Variants in NCALD observed in about 807,000 individuals in gnomAD.
NCALD encodes neurocalcin-delta.
In NCALD, 10 loss-of-function variants were observed where a neutral mutation model predicts 18.6. The observed-to-expected ratio is 0.54, with a 90% CI of 0.33 to 0.91. The LOEUF (loss-of-function observed/expected upper bound fraction) is 0.91. Among genes scored for constraint, NCALD ranks in the 40% least tolerant of loss-of-function variants. The probability of loss-of-function intolerance (pLI) is 0.03; values close to 1 mark genes in which losing one functional copy is unlikely to be tolerated. For synonymous variants in NCALD, 88 were observed against 87.4 expected, an observed-to-expected ratio of 1.01 and a Z score of -0.04; for missense variants, 184 against 247.6, an observed-to-expected ratio of 0.74 and a Z score of 1.72.
chr8:102,016,551 A>G (rs996989524), intron 2 of NCALD, among the ~76,000 whole-genome samples: 7 of 152,218 alleles, frequency 4.6e-5, no homozygotes, highest in African/African-American at 1.7e-4. Context: ...CATGCCAAGC[A>G]TAAGGTCACT....
chr8:102,061,878 AC>A (rs1167975492), intron 1 of NCALD, among the ~76,000 whole-genome samples: 28 of 152,304 alleles, frequency 1.8e-4, no homozygotes, highest in African/African-American at 6.5e-4. Flanking sequence ...AGCAAAATCA[AC>A]CAAGAGCAAA....
At chr8:101,821,538 T>C in intron 4 of NCALD, among the ~76,000 whole-genome samples, 1 of 152,150 alleles carries the variant, frequency 6.6e-6, no homozygotes, top group East Asian at 1.9e-4. Flanking sequence ...ACGCAGAGCC[T>C]TCCAACACCC....
upstream of NCALD, among the ~76,000 whole-genome samples, chr8:101,792,895 T>TAAAAA (rs1033472065): frequency 1.2e-4 from 16 of 136,462 alleles, no homozygotes; most frequent in Admixed American, 9.6e-4. Context: ...TTCTCAGTTC[T>TAAAAA]AAAAAAAAAA....
At chr8:101,755,014 C>G (rs980081439) in intron 1 of NCALD, among the ~76,000 whole-genome samples, 8 of 152,222 alleles carry the variant, frequency 5.3e-5, no homozygotes, top group African/African-American at 1.7e-4. Flanking sequence ...CCTAGCACAT[C>G]CTATGACTAT....
At chr8:101,849,758 G>C (rs1012289366) in intron 4 of NCALD, among the ~76,000 whole-genome samples, 2 of 152,138 alleles carry the variant, frequency 1.3e-5, no homozygotes, top group African/African-American at 4.8e-5. Context: ...CGAGCAAGCA[G>C]AGACAAGCTA....
At chr8:101,828,860 G>T (rs1680034650) in intron 4 of NCALD, among the ~76,000 whole-genome samples, 2 of 144,740 alleles carry the variant, frequency 1.4e-5, no homozygotes, top group Non-Finnish European at 3.0e-5. Context: ...TGTCTGTTTT[G>T]TATAACCACC....
chr8:101,700,370 T>C (rs1271436791), intron 2 of NCALD, among the ~76,000 whole-genome samples: 2 of 152,200 alleles, frequency 1.3e-5, no homozygotes, highest in African/African-American at 2.4e-5. Flanking sequence ...TCTTATTTCA[T>C]GTCTCACAAT....
At position 101,689,539 on chromosome 8, in the gene NCALD, A is replaced by G; in HGVS notation, c.485-133T>C. 1 of 674,816 alleles carries G rather than the reference A, an allele frequency of 1.5e-6. No individual in the cohort carries two copies. The highest frequency in any genetic ancestry group is 2.6e-6 in the Non-Finnish European group (1 of 389,404). 41.8% of individuals were successfully genotyped at this position (674,816 alleles called of 1,614,324 possible). A position where few individuals can be genotyped will look rare whatever the true frequency, so the allele number is the denominator to read the frequency against. On this transcript the variant is annotated intron_variant, in intron 3 of 3. Coordinates refer to ENST00000220931, the MANE Select transcript of NCALD (RefSeq NM_032041.3). This position sits in a 1 kb window ranked among gnomAD's most constrained non-coding sequence, Gnocchi z 4.4. ...ACTGCCACTGTGACACACAGCACTC[A>G]CCTGTCCCGGGGAAGAGCCCAGTGG...
chr8:102,117,447 G>A (rs1825822789), intron 1 of NCALD, among the ~76,000 whole-genome samples: 2 of 152,150 alleles, frequency 1.3e-5, no homozygotes, highest in Non-Finnish European at 2.9e-5. Flanking sequence ...ACTGTCCTCG[G>A]CATCCGCCAG....
chr8:102,014,603 TAA>T (rs1229412846), intron 2 of NCALD, among the ~76,000 whole-genome samples: 3 of 152,116 alleles, frequency 2.0e-5, no homozygotes, highest in South Asian at 2.1e-4. Flanking sequence ...TGAAAAGTAA[TAA>T]GTTTTAAATA....
At chr8:101,745,150 C>T (rs573424199) in intron 1 of NCALD, among the ~76,000 whole-genome samples, 2 of 151,862 alleles carry the variant, frequency 1.3e-5, no homozygotes, top group Middle Eastern at 3.4e-3. Flanking sequence ...AAAAGAAAAT[C>T]CAACAAACCT....
intron 2 of NCALD, among the ~76,000 whole-genome samples, chr8:102,019,283 T>C (rs1300087918): frequency 1.3e-5 from 2 of 152,070 alleles, no homozygotes; most frequent in Admixed American, 6.5e-5. Context: ...TTGGAAAATA[T>C]GTGGACTAAT....
At chr8:101,788,138 A>G (rs1812303863) in intron 1 of NCALD, among the ~76,000 whole-genome samples, 1 of 152,206 alleles carries the variant, frequency 6.6e-6, no homozygotes, top group African/African-American at 2.4e-5. Context: ...CAAAATTCAC[A>G]CACTCGAAGA....
At chr8:101,886,854 T>C (rs779963781) in intron 4 of NCALD, among the ~76,000 whole-genome samples, 5 of 152,228 alleles carry the variant, frequency 3.3e-5, no homozygotes, top group Non-Finnish European at 5.9e-5. Context: ...TGTCCTGTTT[T>C]GTTTTACTAA....
At position 101,763,567 on chromosome 8, in the gene NCALD, G is replaced by C. The variant is rs901315617; in HGVS notation, c.-20+27295C>G. On this transcript the variant is annotated intron_variant, in intron 1 of 3. Transcript: ENST00000220931. ...TTGGGCCACAGGGTGTCGGATATTTGGTCAAATATTATCCTGGGTATTTTA... is the reference window on the plus strand; with the variant it reads ...TTGGGCCACAGGGTGTCGGATATTTCGTCAAATATTATCCTGGGTATTTTA... Among the ~76,000 whole-genome samples the C allele has an allele frequency of 3.9e-5, 6 of 152,046 alleles. No individual in the cohort carries two copies. The East Asian group carries it at 1.2e-3, about 29-fold the overall frequency.
In NCALD at chr8:101,993,448, G is replaced by T. The variant is rs149959958; in HGVS notation, c.-157+26789C>A. Among the ~76,000 whole-genome samples, 162 of 152,328 alleles carry T rather than the reference G, an allele frequency of 1.1e-3. 1 individual carries two copies. In the East Asian group the frequency reaches 0.025, roughly 24 times the overall value. Reference sequence around the variant, plus strand: ...CAATGTCCCAGCAAAGGGAAGAGGAGCTCCACTGCCCACAGTAGGACCTGG... The same window carrying T: ...CAATGTCCCAGCAAAGGGAAGAGGATCTCCACTGCCCACAGTAGGACCTGG... On this transcript the variant is annotated intron_variant, in intron 2 of 6. Transcript: ENST00000311028.
chr8:101,959,963 C>A lies in NCALD; in HGVS notation c.-156-44105G>T, dbSNP rs1037106576. ...CTTGGGCTCCAACGTCCTTCCTGAA[C>A]CACCAAAGCATCCCTCTCCTATTCC... On this transcript the variant is annotated intron_variant, in intron 2 of 6. Transcript: ENST00000311028. Among the ~76,000 whole-genome samples, 8 of 149,912 alleles carry A rather than the reference C, an allele frequency of 5.3e-5. 1 individual carries two copies. The South Asian group carries it at 1.3e-3, about 24-fold the overall frequency.
chr8:101,841,230 G>T (rs908077998), intron 4 of NCALD, among the ~76,000 whole-genome samples: 1 of 152,204 alleles, frequency 6.6e-6, no homozygotes. Flanking sequence ...AATGTAATGA[G>T]ACCAGCTTCT....
At chr8:102,002,676 C>T (rs1308663899) in intron 2 of NCALD, among the ~76,000 whole-genome samples, 3 of 152,094 alleles carry the variant, frequency 2.0e-5, no homozygotes, top group African/African-American at 7.2e-5. Flanking sequence ...TAACCAACTG[C>T]CTCTCAGACC....
Sources: gnomAD v4.1 joint callset for allele counts (sites outside exome capture counted in the v4.1 genomes callset) on GRCh38, gnomAD v4.1.1 for gene constraint, Gnocchi (gnomAD v3.1) non-coding constraint, MANE v1.5 for transcripts, NCBI Gene and HGNC (gene_info 2026-07-23, HGNC 2026-07-21) for gene names.